COL5A2: variants seen among roughly 807,000 people sequenced by gnomAD.
COL5A2 encodes the protein collagen alpha-2(V) chain.
In COL5A2, 23 loss-of-function variants were observed where a neutral mutation model predicts 208.2. That is an observed-to-expected ratio of 0.11 (90% confidence interval 0.08 to 0.16). COL5A2 has a LOEUF of 0.16. Among genes scored for constraint, COL5A2 ranks in the 10% least tolerant of loss-of-function variants. The pLI, the probability that COL5A2 is intolerant of heterozygous loss-of-function variation, is 1.00. For missense variants in COL5A2, 1,590 were observed against 1,956.4 expected (o/e 0.81, Z 3.53); for synonymous variants, 625 against 628.5 (o/e 0.99, Z 0.08).
At chr2:189,191,654 A>T (rs1009543582) in intron 1 of COL5A2, among the ~76,000 whole-genome samples, 3 of 152,150 alleles carry the variant, frequency 2.0e-5, no homozygotes, top group Admixed American at 2.0e-4. Flanking sequence ...ATCTCAAAAA[A>T]TAAATAAATA....
Position 189,110,417 on chromosome 2 carries a change from T to C in COL5A2, c.130A>G (p.Asn44Asp), listed in dbSNP as rs1212864305. 7 of 1,614,104 alleles carry C rather than the reference T, an allele frequency of 4.3e-6. No homozygotes were observed. Among genetic ancestry groups the C allele is most frequent in the Non-Finnish European group, 5.9e-6 (7 of 1,179,946 alleles). ...TCCCTGTTTAAGTACATCTGGCCAT[T>C]CTGAGTGCAGGCTATTTCTTCACCA... ...GYGEEIACTQ[N>D]GQMYLNRDIW... The change falls in exon 2 of 54, where the codon AAT becomes GAT. Residue 44 changes from asparagine to aspartate, a missense_variant. By Grantham distance (23) the Asn-to-Asp change is conservative. Transcript: ENST00000374866.
chr2:189,044,382 A>C (rs1292173556), intron 47 of COL5A2, among the ~76,000 whole-genome samples: 1 of 152,184 alleles, frequency 6.6e-6, no homozygotes, highest in Non-Finnish European at 1.5e-5. Context: ...ATAATGTTCG[A>C]AAGGTTCTTT....
the COL5A2 span, among the ~76,000 whole-genome samples, chr2:189,283,220 G>A: frequency 6.6e-6 from 1 of 151,356 alleles, no homozygotes; most frequent in Non-Finnish European, 1.5e-5. Flanking sequence ...AAGAAGGAAA[G>A]AAGGAAAGAA....
intron 23 of COL5A2, among the ~76,000 whole-genome samples, chr2:189,065,438 A>C: frequency 6.6e-6 from 1 of 152,178 alleles, no homozygotes; most frequent in East Asian, 1.9e-4. Flanking sequence ...CTGAGGCACA[A>C]GAATTTCTTG....
the COL5A2 span, among the ~76,000 whole-genome samples, chr2:189,328,138 T>C: frequency 1.3e-5 from 2 of 152,200 alleles, no homozygotes; most frequent in African/African-American, 4.8e-5. Context: ...CCTGTAGTTA[T>C]GCGATTCCAA....
At chr2:189,231,279 A>C in the COL5A2 span, among the ~76,000 whole-genome samples, 2 of 151,800 alleles carry the variant, frequency 1.3e-5, no homozygotes, top group Admixed American at 6.6e-5. Context: ...AGTAAACAAC[A>C]CACTTAAAAT....
At chr2:189,077,142 T>TC (rs1426343586) in intron 16 of COL5A2, among the ~76,000 whole-genome samples, 2 of 151,952 alleles carry the variant, frequency 1.3e-5, no homozygotes, top group Non-Finnish European at 2.9e-5. Context: ...AGTGGCCCAT[T>TC]CCCCCCATTA....
chr2:189,370,818 C>G, the COL5A2 span, among the ~76,000 whole-genome samples: 1 of 151,950 alleles, frequency 6.6e-6, no homozygotes, highest in African/African-American at 2.4e-5. Flanking sequence ...CTCACAGGAA[C>G]AGAAACATTA....
rs927281340 is a variant in COL5A2, at chr2:189,033,588, A to G, written c.*482T>C. 5.7e-6 allele frequency: 1 copy of G among 174,066 alleles called. No individual in the cohort carries two copies. Among genetic ancestry groups the G allele is most frequent in the African/African-American group, 2.4e-5 (1 of 41,748 alleles). The allele number at this position is 174,066 out of a possible 1,614,324, so 10.8% of individuals were successfully genotyped here. A position where few individuals can be genotyped will look rare whatever the true frequency, so the allele number is the denominator to read the frequency against. On this transcript the variant is annotated 3_prime_UTR_variant, in exon 54 of 54. Transcript: ENST00000374866. Reference sequence around the variant, plus strand: ...GTTAAACATTTTAAACTCATTTTTAATTGACAATCTTGGAATGAGAGGTCA... The same window carrying G: ...GTTAAACATTTTAAACTCATTTTTAGTTGACAATCTTGGAATGAGAGGTCA...
intron 1 of COL5A2, among the ~76,000 whole-genome samples, chr2:189,140,933 C>T (rs1687922933): frequency 6.6e-6 from 1 of 152,102 alleles, no homozygotes; most frequent in Non-Finnish European, 1.5e-5. Context: ...TGTTAATTAA[C>T]CTAGATTCAA....
chr2:189,126,423 T>C (rs1687608823), intron 1 of COL5A2, among the ~76,000 whole-genome samples: 1 of 152,068 alleles, frequency 6.6e-6, no homozygotes. Flanking sequence ...CTTAAAGTTA[T>C]TAAAAATAAG....
chr2:189,081,178 G>C, intron 12 of COL5A2, 135 bp from the exon 13 acceptor site: 1 of 711,736 alleles, frequency 1.4e-6, no homozygotes, highest in Non-Finnish European at 2.5e-6. Context: ...AAAAAAAGCA[G>C]TATACTTTTA....
chr2:189,389,548 G>GTCA, the COL5A2 span, among the ~76,000 whole-genome samples: 1 of 152,116 alleles, frequency 6.6e-6, no homozygotes, highest in Non-Finnish European at 1.5e-5. Context: ...AATCCATGCT[G>GTCA]TCAGTGCAAT....
chr2:189,321,143 C>T, the COL5A2 span, among the ~76,000 whole-genome samples: 5 of 152,166 alleles, frequency 3.3e-5, no homozygotes, highest in African/African-American at 1.2e-4. Context: ...ACCAGGCCTG[C>T]CCTACAACAG....
chr2:189,162,016 G>A (rs184091652), intron 1 of COL5A2, among the ~76,000 whole-genome samples: 35 of 152,268 alleles, frequency 2.3e-4, no homozygotes, highest in African/African-American at 7.9e-4. Flanking sequence ...AAATAACAGA[G>A]TTCATGTAGC....
chr2:189,126,784 G>C (rs1576543714), intron 1 of COL5A2, among the ~76,000 whole-genome samples: 1 of 152,120 alleles, frequency 6.6e-6, no homozygotes, highest in South Asian at 2.1e-4. Context: ...AACAGACTTG[G>C]GTCTCCAAAG....
At chr2:189,171,522 A>G (rs1688573490) in intron 1 of COL5A2, among the ~76,000 whole-genome samples, 1 of 152,174 alleles carries the variant, frequency 6.6e-6, no homozygotes, top group East Asian at 1.9e-4. Flanking sequence ...GTAAAATGGT[A>G]GATCTTAGTG....
chr2:189,291,045 T>G, the COL5A2 span, among the ~76,000 whole-genome samples: 1 of 152,138 alleles, frequency 6.6e-6, no homozygotes, highest in Admixed American at 6.5e-5. Context: ...CAAGAAGTTA[T>G]AACATTATCT....
At position 189,163,281 on chromosome 2, in the gene COL5A2, C is replaced by T. The variant is rs781546495; in HGVS notation, c.97+16227G>A. Among the ~76,000 whole-genome samples the T allele has an allele frequency of 5.9e-5, 9 of 152,060 alleles. No homozygotes were observed. In the South Asian group the frequency reaches 8.3e-4, roughly 14 times the overall value. On this transcript the variant is annotated intron_variant, in intron 1 of 53. Coordinates refer to ENST00000374866, the MANE Select transcript of COL5A2 (RefSeq NM_000393.5). The stretch of plus-strand genomic sequence containing the variant: ...AAAATAAGCATTGCAAAGATGAATC[C>T]GCCAGCATCAGGGCAAGAAGGCACG...
Sources: gnomAD v4.1 joint callset for allele counts (sites outside exome capture counted in the v4.1 genomes callset) on GRCh38, gnomAD v4.1.1 for gene constraint, MANE v1.5 for transcripts, NCBI Gene and HGNC (gene_info 2026-07-23, HGNC 2026-07-21) for gene names.